RBM6: variants seen among roughly 807,000 people sequenced by gnomAD.
RBM6 encodes RNA binding motif protein 6.
RBM6 carries 23 observed loss-of-function variants against 140.4 expected under a neutral mutation model. That is an observed-to-expected ratio of 0.16 (90% confidence interval 0.12 to 0.23). RBM6 has a LOEUF of 0.23. RBM6 is among the 10% of genes least tolerant of loss of function. The probability of loss-of-function intolerance (pLI) is 1.00; values close to 1 mark genes in which losing one functional copy is unlikely to be tolerated. For synonymous variants in RBM6, 439 were observed against 475.6 expected (o/e 0.92, Z 1.00); for missense variants, 1,139 against 1,386.7 (o/e 0.82, Z 2.84).
intron 8 of RBM6, among the ~76,000 whole-genome samples, chr3:50,056,644 A>G (rs1434685094): frequency 6.6e-6 from 1 of 152,204 alleles, no homozygotes; most frequent in Non-Finnish European, 1.5e-5. Context: ...CTAAGATGAG[A>G]CAGCTTTAAT....
intron 6 of RBM6, among the ~76,000 whole-genome samples, chr3:50,005,972 G>C (rs1575667604): frequency 6.6e-6 from 1 of 152,086 alleles, no homozygotes; most frequent in Non-Finnish European, 1.5e-5. Context: ...GAAGAGTCTC[G>C]CTCTCAAGAG....
At chr3:50,009,732 G>C (rs996547594) in intron 6 of RBM6, among the ~76,000 whole-genome samples, 1 of 151,186 alleles carries the variant, frequency 6.6e-6, no homozygotes, top group East Asian at 2.0e-4. Context: ...TAATTTTGAG[G>C]GGGTAGAGGG....
chr3:49,958,763 A>T (rs1328402180), intron 1 of RBM6, among the ~76,000 whole-genome samples: 1 of 151,284 alleles, frequency 6.6e-6, no homozygotes, highest in African/African-American at 2.4e-5. Flanking sequence ...AAAAAAAAAA[A>T]ATTCATTCTG....
At chr3:49,995,221 T>C (rs1255092967) in intron 5 of RBM6, among the ~76,000 whole-genome samples, 1 of 151,970 alleles carries the variant, frequency 6.6e-6, no homozygotes, top group Non-Finnish European at 1.5e-5. Context: ...TTGTTACCTT[T>C]ATAGATTTTT....
intron 6 of RBM6, among the ~76,000 whole-genome samples, chr3:50,013,422 G>GCACTTTCA (rs2086957833): frequency 1.3e-5 from 2 of 152,140 alleles, no homozygotes; most frequent in African/African-American, 4.8e-5. Context: ...TGTAATCCCA[G>GCACTTTCA]CACTTTCAGA....
At chr3:50,049,019 T>C (rs2108882403) in intron 7 of RBM6, among the ~76,000 whole-genome samples, 1 of 152,018 alleles carries the variant, frequency 6.6e-6, no homozygotes, top group South Asian at 2.1e-4. Flanking sequence ...GCCAGGCTGG[T>C]CTTGAACTCC....
intron 6 of RBM6, among the ~76,000 whole-genome samples, chr3:50,038,069 G>A (rs1270876498): frequency 2.6e-5 from 4 of 151,972 alleles, no homozygotes; most frequent in Non-Finnish European, 4.4e-5. Context: ...TGATCCACCC[G>A]CCTCAGCCTC....
At chr3:49,969,506 TA>T (rs993952257) in intron 3 of RBM6, among the ~76,000 whole-genome samples, 30 of 147,432 alleles carry the variant, frequency 2.0e-4, no homozygotes, top group African/African-American at 7.1e-4. Context: ...TATGAATATA[TA>T]TTTATATATA....
At chr3:49,961,336 C>T (rs1457187417) in intron 1 of RBM6, among the ~76,000 whole-genome samples, 5 of 152,026 alleles carry the variant, frequency 3.3e-5, no homozygotes, top group Non-Finnish European at 7.4e-5. Flanking sequence ...CCTAGCCTCC[C>T]AAAGTTCTGG....
chr3:49,950,877 C>G lies in RBM6; in HGVS notation c.-67+10652C>G, dbSNP rs542700802. ...AAACAAAGAAAAAGAAAAACAGAGT[C>G]TCGATGAGATATTTGTACCCATGTT... On this transcript the variant is annotated intron_variant, in intron 1 of 20. Transcript: ENST00000266022. Among the ~76,000 whole-genome samples, 10 of 152,190 alleles carry G rather than the reference C, an allele frequency of 6.6e-5. No homozygotes were observed. The South Asian group carries it at 2.1e-3, about 32-fold the overall frequency.
intron 6 of RBM6, among the ~76,000 whole-genome samples, chr3:50,034,127 CTT>C (rs2088360252): frequency 8.1e-6 from 1 of 123,598 alleles, no homozygotes; most frequent in African/African-American, 3.1e-5. Flanking sequence ...GGGTTTCACT[CTT>C]GTTGCCACCA....
At chr3:50,005,773 A>C (rs1292624213) in intron 6 of RBM6, among the ~76,000 whole-genome samples, 1 of 152,216 alleles carries the variant, frequency 6.6e-6, no homozygotes, top group Non-Finnish European at 1.5e-5. Flanking sequence ...CCAGAGCTCA[A>C]CTGTATAACT....
chr3:49,982,646 G>A (rs894272414), intron 5 of RBM6, among the ~76,000 whole-genome samples: 3 of 151,828 alleles, frequency 2.0e-5, no homozygotes, highest in African/African-American at 7.3e-5. Context: ...TTGAACTCCC[G>A]AGCTCAGGTG....
At chr3:49,974,853 A>G (rs2084990258) in intron 4 of RBM6, among the ~76,000 whole-genome samples, 1 of 150,168 alleles carries the variant, frequency 6.7e-6, no homozygotes, top group Non-Finnish European at 1.5e-5. Flanking sequence ...CACCAGGCTA[A>G]TTTTTGTATT....
intron 5 of RBM6, among the ~76,000 whole-genome samples, chr3:49,982,268 T>C (rs1030669651): frequency 4.5e-5 from 6 of 132,488 alleles, no homozygotes; most frequent in South Asian, 2.3e-4. Context: ...TTTTCTTTTT[T>C]TTTTTTTTTT....
At chr3:50,005,136 G>A (rs1041185414) in intron 6 of RBM6, among the ~76,000 whole-genome samples, 6 of 152,144 alleles carry the variant, frequency 3.9e-5, no homozygotes, top group African/African-American at 1.4e-4. Flanking sequence ...GAAGATACAA[G>A]AGTGTTTTTG....
At chr3:49,995,489 A>G (rs2086041680) in intron 5 of RBM6, among the ~76,000 whole-genome samples, 2 of 151,512 alleles carry the variant, frequency 1.3e-5, no homozygotes, top group Non-Finnish European at 2.9e-5. Flanking sequence ...GGTTGCAATG[A>G]GCCGAGATTG....
chr3:50,065,921 A>C (rs2090106062), intron 16 of RBM6, among the ~76,000 whole-genome samples: 1 of 152,168 alleles, frequency 6.6e-6, no homozygotes. Context: ...GAGTTACAGT[A>C]ATTTGGAGGT....
At chr3:50,037,236 CATAAA>C (rs1249128014) in intron 6 of RBM6, among the ~76,000 whole-genome samples, 2 of 152,046 alleles carry the variant, frequency 1.3e-5, no homozygotes, top group African/African-American at 2.4e-5. Flanking sequence ...CCCATGTCTG[CATAAA>C]ATAAAATAAA....
Sources: gnomAD v4.1 joint callset for allele counts (sites outside exome capture counted in the v4.1 genomes callset) on GRCh38, gnomAD v4.1.1 for gene constraint, MANE v1.5 for transcripts, NCBI Gene and HGNC (gene_info 2026-07-23, HGNC 2026-07-21) for gene names.